MICU1: variants seen among roughly 807,000 people sequenced by gnomAD.
MICU1 encodes the protein mitochondrial calcium uptake 1, also known as calcium uptake protein 1, mitochondrial.
In MICU1, 45 loss-of-function variants were observed where a neutral mutation model predicts 56.8. That is an observed-to-expected ratio of 0.79 (90% confidence interval 0.62 to 1.02). MICU1 has a LOEUF of 1.02. Among genes scored for constraint, MICU1 ranks in the 50% least tolerant of loss-of-function variants. The pLI, the probability that MICU1 is intolerant of heterozygous loss-of-function variation, is 0.00. For synonymous variants in MICU1, 186 were observed against 195.1 expected (o/e 0.95, Z 0.39); for missense variants, 504 against 587.1 (o/e 0.86, Z 1.46).
chr10:72,530,410 CTAA>C (rs1839447470), intron 5 of MICU1, among the ~76,000 whole-genome samples: 1 of 149,740 alleles, frequency 6.7e-6, no homozygotes, highest in South Asian at 2.1e-4. Context: ...CTCTATAATG[CTAA>C]TAAGCTATTT....
At chr10:72,400,641 G>T (rs1554861624) in intron 10 of MICU1, among the ~76,000 whole-genome samples, 1 of 152,078 alleles carries the variant, frequency 6.6e-6, no homozygotes, top group African/African-American at 2.4e-5. Context: ...AGCTACTTGG[G>T]AGGCTGGGGC....
Position 72,551,309 on chromosome 10 carries a change from G to A in MICU1, c.363C>T (p.Tyr121=). The A allele has an allele frequency of 6.2e-7, 1 of 1,612,620 alleles. No individual in the cohort carries two copies. The highest frequency in any genetic ancestry group is 8.5e-7 in the Non-Finnish European group (1 of 1,179,322). ...ATCGGAAGATTTTGTCTGGCGTGGA[G>A]TAGGCTCGAATCCTATTCTCATATT... ...VMEYENRIRA[Y]STPDKIFRYF... Residue 121 remains tyrosine (Y), a synonymous_variant, in exon 4 of 12, where the codon TAC becomes TAT. Coordinates refer to ENST00000361114, the MANE Select transcript of MICU1 (RefSeq NM_001195518.2).
intron 9 of MICU1, among the ~76,000 whole-genome samples, chr10:72,412,274 G>A (rs990003435): frequency 3.9e-5 from 6 of 152,182 alleles, no homozygotes; most frequent in African/African-American, 1.4e-4. Context: ...GGACAAGAAG[G>A]CTACAACTTA....
intron 1 of MICU1, among the ~76,000 whole-genome samples, chr10:72,594,064 T>C (rs946064799): frequency 1.2e-4 from 18 of 152,220 alleles, no homozygotes; most frequent in Admixed American, 4.6e-4. Flanking sequence ...CAAAATAAGC[T>C]TGAAAAAGAG....
At chr10:72,444,227 T>A (rs1335125002) in intron 8 of MICU1, among the ~76,000 whole-genome samples, 1 of 66,724 alleles carries the variant, frequency 1.5e-5, no homozygotes, top group Admixed American at 1.8e-4. Context: ...TGTTGTGGGG[T>A]GGGGGAAGGG....
chr10:72,508,078 T>A (rs1867314690), intron 6 of MICU1, 77 bp downstream of exon 6: 2 of 664,488 alleles, frequency 3.0e-6, no homozygotes, highest in Non-Finnish European at 4.6e-6. Context: ...TATGTCTTGT[T>A]TTATAAACAT....
At chr10:72,546,700 A>G (rs1839900986) in intron 4 of MICU1, among the ~76,000 whole-genome samples, 2 of 152,158 alleles carry the variant, frequency 1.3e-5, no homozygotes, top group Non-Finnish European at 2.9e-5. Context: ...CAAGGTGCTG[A>G]AGCTAATTTA....
intron 6 of MICU1, among the ~76,000 whole-genome samples, chr10:72,507,442 C>T (rs1321401677): frequency 6.6e-6 from 1 of 152,134 alleles, no homozygotes; most frequent in South Asian, 2.1e-4. Flanking sequence ...CAGAAGTATT[C>T]CTCCAAGGTT....
chr10:72,586,718 A>G (rs956045908), intron 1 of MICU1, among the ~76,000 whole-genome samples: 2 of 152,046 alleles, frequency 1.3e-5, no homozygotes, highest in South Asian at 4.1e-4. Context: ...GATTTCCTAG[A>G]CCTAAAGGCT....
chr10:72,559,559 C>T (rs1427242003), intron 3 of MICU1, among the ~76,000 whole-genome samples: 1 of 152,084 alleles, frequency 6.6e-6, no homozygotes, highest in Non-Finnish European at 1.5e-5. Context: ...GGCACAGTGG[C>T]TCATGCCTGT....
chr10:72,494,011 A>G (rs1390713411), intron 6 of MICU1, among the ~76,000 whole-genome samples: 1 of 152,302 alleles, frequency 6.6e-6, no homozygotes, highest in East Asian at 1.9e-4. Flanking sequence ...TTTGGTAGTG[A>G]AACGAGAGGA....
At chr10:72,617,487 A>G (rs1842010028) in intron 1 of MICU1, among the ~76,000 whole-genome samples, 1 of 151,958 alleles carries the variant, frequency 6.6e-6, no homozygotes, top group African/African-American at 2.4e-5. Flanking sequence ...TATTATTATT[A>G]CTCCCATTTC....
At chr10:72,374,808 CTTTTTTTTTTTTTT>C (rs34228174) in intron 11 of MICU1, among the ~76,000 whole-genome samples, 1 of 77,206 alleles carries the variant, frequency 1.3e-5, no homozygotes, top group Non-Finnish European at 2.4e-5. Flanking sequence ...CTACTATTAT[CTTTTTTTTTTTTTT>C]TTTTTTTTTT....
chr10:72,386,549 C>T (rs999710028), intron 10 of MICU1, among the ~76,000 whole-genome samples: 5 of 144,814 alleles, frequency 3.5e-5, no homozygotes, highest in Non-Finnish European at 7.5e-5. Flanking sequence ...CCTCATCCCC[C>T]GCCACCTATT....
At chr10:72,549,439 C>T (rs1045655447) in intron 4 of MICU1, among the ~76,000 whole-genome samples, 1 of 152,076 alleles carries the variant, frequency 6.6e-6, no homozygotes, top group Non-Finnish European at 1.5e-5. Context: ...AATCTGTCTG[C>T]ATCAGCTTCC....
chr10:72,610,883 T>G (rs749663857), intron 1 of MICU1, among the ~76,000 whole-genome samples: 3 of 152,208 alleles, frequency 2.0e-5, no homozygotes, highest in Non-Finnish European at 2.9e-5. Flanking sequence ...TACTTTACCT[T>G]GTATTTCTAT....
At chr10:72,617,709 A>G (rs1258696664) in intron 1 of MICU1, among the ~76,000 whole-genome samples, 1 of 152,150 alleles carries the variant, frequency 6.6e-6, no homozygotes, top group Non-Finnish European at 1.5e-5. Flanking sequence ...GCACACACCT[A>G]TAGTCCTAGC....
chr10:72,441,307 C>T (rs1031009145), intron 8 of MICU1, among the ~76,000 whole-genome samples: 3 of 151,724 alleles, frequency 2.0e-5, no homozygotes, highest in Admixed American at 2.0e-4. Context: ...GGACAGAAAA[C>T]CAAACACCAC....
chr10:72,416,296 T>A, intron 9 of MICU1, among the ~76,000 whole-genome samples: 1 of 152,190 alleles, frequency 6.6e-6, no homozygotes, highest in Non-Finnish European at 1.5e-5. Context: ...GTTTCAAAGC[T>A]AATTAGTAAC....
Sources: allele counts gnomAD v4.1 joint callset (sites outside exome capture counted in the v4.1 genomes callset), GRCh38; gene constraint gnomAD v4.1.1; transcripts MANE v1.5; gene names NCBI Gene and HGNC (gene_info 2026-07-23, HGNC 2026-07-21).